The following GLI2 variants were observed in gnomAD, a reference collection of about 807,000 sequenced individuals.
GLI2 encodes the protein transcription activator GLI2.
GLI2 carries 22 observed loss-of-function variants against 78.9 expected under a neutral mutation model. That is an observed-to-expected ratio of 0.28 (90% CI 0.20 to 0.40). GLI2 has a LOEUF of 0.40. Among genes scored for constraint, GLI2 ranks in the 10% least tolerant of loss-of-function variants. The probability of loss-of-function intolerance (pLI) is 1.00; values close to 1 mark genes in which losing one functional copy is unlikely to be tolerated. For missense variants in GLI2, 2,097 were observed against 2,213.2 expected (o/e 0.95, Z 1.05); for synonymous variants, 974 against 963.7 (o/e 1.01, Z -0.20).
intron 1 of GLI2, among the ~76,000 whole-genome samples, chr2:120,796,429 C>G (rs994018783): frequency 6.6e-6 from 1 of 152,198 alleles, no homozygotes; most frequent in Non-Finnish European, 1.5e-5. Flanking sequence ...CAGTCCTGCC[C>G]CTCCCCTGCT....
intron 2 of GLI2, among the ~76,000 whole-genome samples, chr2:120,851,977 G>C (rs566854791): frequency 6.6e-6 from 1 of 152,336 alleles, no homozygotes; most frequent in East Asian, 1.9e-4. Context: ...GTGCCATCTG[G>C]TAGGAGGGGC....
chr2:120,807,057 C>T (rs557172479), intron 2 of GLI2, among the ~76,000 whole-genome samples: 1 of 152,306 alleles, frequency 6.6e-6, no homozygotes, highest in Non-Finnish European at 1.5e-5. Context: ...CCTGGCTGCT[C>T]AGTCAGTCCC....
chr2:120,893,573 G>A (rs536057236), intron 2 of GLI2, among the ~76,000 whole-genome samples: 1 of 151,748 alleles, frequency 6.6e-6, no homozygotes, highest in Non-Finnish European at 1.5e-5. Flanking sequence ...GTGAGTCAGA[G>A]CCGGCCAAGA....
intron 3 of GLI2, among the ~76,000 whole-genome samples, chr2:120,945,781 T>C (rs1680676313): frequency 6.6e-6 from 1 of 152,122 alleles, no homozygotes; most frequent in African/African-American, 2.4e-5. Context: ...AAAGCTGCTG[T>C]GTTGGGCACA....
chr2:120,857,343 G>GCCCCCCCCCCCCCCCC (rs1553457437), intron 2 of GLI2, among the ~76,000 whole-genome samples: 2 of 99,632 alleles, frequency 2.0e-5, no homozygotes, highest in African/African-American at 4.4e-5. Context: ...CTACCCATCT[G>GCCCCCCCCCCCCCCCC]CCCACCCACC....
chr2:120,816,203 T>C (rs1050793446), intron 2 of GLI2, among the ~76,000 whole-genome samples: 1 of 151,302 alleles, frequency 6.6e-6, no homozygotes, highest in Non-Finnish European at 1.5e-5. Flanking sequence ...TTTTTTTTTT[T>C]TTTTTGAGAC....
At chr2:120,882,617 CT>C (rs1231430780) in intron 2 of GLI2, among the ~76,000 whole-genome samples, 1 of 152,228 alleles carries the variant, frequency 6.6e-6, no homozygotes, top group Non-Finnish European at 1.5e-5. Context: ...TGGGCCCACC[CT>C]CCTCTGTCGG....
intron 1 of GLI2, among the ~76,000 whole-genome samples, chr2:120,773,931 T>TCCC (rs1553446858): frequency 2.0e-4 from 14 of 70,732 alleles, no homozygotes; most frequent in East Asian, 5.1e-4. Flanking sequence ...CCTTCCTTCC[T>TCCC]TCCCTCCCTC....
At position 120,780,658 on chromosome 2, in the gene GLI2, T is replaced by A. The variant is rs896856151; in HGVS notation, c.-30-16633T>A. 1.2e-4 allele frequency among the ~76,000 whole-genome samples: 18 copies of A among 152,246 alleles called. No individual in the cohort carries two copies. In the East Asian group the frequency reaches 3.5e-3, roughly 29 times the overall value. The stretch of plus-strand genomic sequence containing the variant: ...TAGATGGTATCACTGTCCACTACAC[T>A]ACAGACACAGCAGCTGCAGCCTGGA... On this transcript the variant is annotated intron_variant, in intron 1 of 13. Coordinates refer to ENST00000361492, the MANE Select transcript of GLI2 (RefSeq NM_001374353.1).
At chr2:120,760,102 T>A (rs1683169025) in intron 1 of GLI2, among the ~76,000 whole-genome samples, 1 of 152,180 alleles carries the variant, frequency 6.6e-6, no homozygotes, top group South Asian at 2.1e-4. Context: ...CTCCCTGCAG[T>A]GTTGGGTAAA....
chr2:120,818,708 G>T (rs1418538304), intron 2 of GLI2, among the ~76,000 whole-genome samples: 1 of 152,226 alleles, frequency 6.6e-6, no homozygotes, highest in Non-Finnish European at 1.5e-5. Flanking sequence ...CCCAGGCCCT[G>T]TGCCCTGCCA....
rs112925382 is a variant in GLI2 at position 120,868,059 on chromosome 2, C to G, written c.149-59302C>G. On this transcript the variant is annotated intron_variant, in intron 2 of 13. Transcript: ENST00000361492. ...CGCAACGGATGTACTCCGAGCCCTT[C>G]GAACTCTCGGGGTACCAGTGAGAAC... Among the ~76,000 whole-genome samples the G allele has an allele frequency of 1.7e-3, 264 of 152,306 alleles. 2 individuals are homozygous for G. The highest frequency in any genetic ancestry group is 5.3e-3 in the African/African-American group (219 of 41,562).
intron 4 of GLI2, among the ~76,000 whole-genome samples, chr2:120,953,509 G>T (rs1384390699): frequency 6.6e-6 from 1 of 152,182 alleles, no homozygotes; most frequent in Non-Finnish European, 1.5e-5. Flanking sequence ...TACAGCATTT[G>T]CCCTGGGAAA....
chr2:120,852,060 G>A (rs1687430627), intron 2 of GLI2, among the ~76,000 whole-genome samples: 1 of 152,216 alleles, frequency 6.6e-6, no homozygotes, highest in Admixed American at 6.5e-5. Flanking sequence ...CAGGCCAGAG[G>A]TGGGACAAGG....
intron 1 of GLI2, among the ~76,000 whole-genome samples, chr2:120,772,612 G>C (rs1047140988): frequency 6.6e-6 from 1 of 152,248 alleles, no homozygotes; most frequent in Non-Finnish European, 1.5e-5. Context: ...TCCCAGGTCT[G>C]CCTGCCTGAC....
intron 2 of GLI2, among the ~76,000 whole-genome samples, chr2:120,870,979 C>A (rs1173441328): frequency 6.6e-6 from 1 of 152,246 alleles, no homozygotes; most frequent in Non-Finnish European, 1.5e-5. Flanking sequence ...GGATTTTGAA[C>A]ACAGCTGTCA....
intron 11 of GLI2, among the ~76,000 whole-genome samples, 173 bp from the exon 12 acceptor site, chr2:120,984,298 C>G (rs1041851682): frequency 3.9e-5 from 6 of 152,220 alleles, no homozygotes; most frequent in Non-Finnish European, 7.3e-5. Context: ...TGGCCAGGCT[C>G]CTGCATGGTG....
At chr2:120,772,037 A>G (rs888164256) in intron 1 of GLI2, among the ~76,000 whole-genome samples, 2 of 152,140 alleles carry the variant, frequency 1.3e-5, no homozygotes, top group African/African-American at 4.8e-5. Flanking sequence ...TTAAACTCCC[A>G]TTGCCTAACG....
intron 2 of GLI2, among the ~76,000 whole-genome samples, chr2:120,838,589 G>A (rs1042707973): frequency 6.6e-6 from 1 of 152,058 alleles, no homozygotes; most frequent in African/African-American, 2.4e-5. Context: ...CATTGTCTTA[G>A]TCCACTTTGT....
Sources: gnomAD v4.1 joint callset for allele counts (sites outside exome capture counted in the v4.1 genomes callset) on GRCh38, gnomAD v4.1.1 for gene constraint, MANE v1.5 for transcripts, NCBI Gene and HGNC (gene_info 2026-07-23, HGNC 2026-07-21) for gene names.